The following GUCY2C variants were observed in gnomAD, a reference collection of about 807,000 sequenced individuals.
The protein encoded by GUCY2C is guanylate cyclase 2C.
A neutral mutation model predicts 131.1 loss-of-function variants in GUCY2C; 118 were observed. The ratio of observed to expected loss-of-function variants is 0.90; its 90% confidence interval spans 0.78 to 1.05. The LOEUF is 1.05. Among genes scored for constraint, GUCY2C ranks in the 50% least tolerant of loss-of-function variants. GUCY2C has a pLI of 0.00. For synonymous variants in GUCY2C, 452 were observed against 457.8 expected (o/e 0.99, Z 0.16); for missense variants, 1,161 against 1,304.4 (o/e 0.89, Z 1.69).
intron 19 of GUCY2C, among the ~76,000 whole-genome samples, chr12:14,630,360 C>T (rs1947116866): frequency 6.6e-6 from 1 of 152,058 alleles, no homozygotes; most frequent in Non-Finnish European, 1.5e-5. Flanking sequence ...CAAACTGGGC[C>T]GATCCTGTGC....
intron 3 of GUCY2C, among the ~76,000 whole-genome samples, chr12:14,685,615 A>G (rs925521603): frequency 2.0e-5 from 3 of 152,236 alleles, no homozygotes; most frequent in Non-Finnish European, 2.9e-5. Context: ...TCCCAGAGCC[A>G]GAAAAATATA....
chr12:14,688,480 G>A (rs1489162229), intron 1 of GUCY2C, among the ~76,000 whole-genome samples: 2 of 152,110 alleles, frequency 1.3e-5, no homozygotes, highest in Non-Finnish European at 2.9e-5. Flanking sequence ...GGAGAGTGTT[G>A]GGAAGCAAAG....
rs11056064 is a variant in GUCY2C, at chr12:14,617,819, A to G, written c.2876-1092T>C. On this transcript the variant is annotated intron_variant, in intron 24 of 26. Transcript: ENST00000261170. ...ACCCTCTTGGCACGGTTGGTATTCC[A>G]TTTTCAATTTGTATCTTTATCTTTC... Among the ~76,000 whole-genome samples the G allele has an allele frequency of 4.5e-3, 690 of 152,292 alleles. 7 individuals are homozygous for G. The highest frequency in any genetic ancestry group is 0.016 in the African/African-American group (646 of 41,566).
chr12:14,632,854 G>T (rs903549997), intron 19 of GUCY2C, among the ~76,000 whole-genome samples: 3 of 152,076 alleles, frequency 2.0e-5, no homozygotes, highest in Non-Finnish European at 4.4e-5. Context: ...TACATCTTCT[G>T]GGGGCCACAT....
In GUCY2C at chr12:14,636,933, TA is replaced by T. The variant is rs913717688; in HGVS notation, c.2157+2928del. ...GTGAAACCCCGTCTCTACTAAAATA[TA>T]AAAAAAAAATTAGCTGGGCTTGGTG... is the stretch of plus-strand genomic sequence containing the variant. On this transcript the variant is annotated intron_variant, in intron 19 of 26. Coordinates refer to ENST00000261170, the MANE Select transcript of GUCY2C (RefSeq NM_004963.4). Among the ~76,000 whole-genome samples, 72 of 148,126 alleles carry T rather than the reference TA, an allele frequency of 4.9e-4. No individual in the cohort carries two copies. The East Asian group carries it at 6.5e-3, about 13-fold the overall frequency.
chr12:14,643,244 G>A (rs1947445561), intron 17 of GUCY2C, among the ~76,000 whole-genome samples: 1 of 152,150 alleles, frequency 6.6e-6, no homozygotes, highest in Admixed American at 6.5e-5. Context: ...AAAGGAAAAA[G>A]CTTAAATTAG....
intron 3 of GUCY2C, among the ~76,000 whole-genome samples, chr12:14,684,227 C>G (rs1029823340): frequency 1.3e-5 from 2 of 152,148 alleles, no homozygotes; most frequent in East Asian, 3.9e-4. Flanking sequence ...TATGGTCCTA[C>G]TTAATTTTCC....
chr12:14,622,175 C>A lies in GUCY2C; in HGVS notation c.2431G>T (p.Glu811Ter), dbSNP rs758523228. 7 of 1,563,606 alleles carry A rather than the reference C, an allele frequency of 4.5e-6. No homozygotes were observed. The highest frequency in any genetic ancestry group is 6.0e-6 in the Non-Finnish European group (7 of 1,159,730). Reference sequence around the variant, plus strand: ...AGTTCCGGCTCCACAAAGCCTTTCTCCTTCAGAGACTTTACCACTAGCCTA... The same window carrying A: ...AGTTCCGGCTCCACAAAGCCTTTCTACTTCAGAGACTTTACCACTAGCCTA... ...LPRLVVKSLK[E>*]KGFVEPELYE... The change falls in exon 22 of 27, where the codon GAG becomes TAG. Residue 811 changes from glutamate to a stop codon, truncating the protein, a stop_gained. Coordinates refer to ENST00000261170, the MANE Select transcript of GUCY2C (RefSeq NM_004963.4). LOFTEE classifies it high-confidence loss of function.
In GUCY2C at chr12:14,645,229, C is replaced by G. The variant is rs1592106105; in HGVS notation, c.1797G>C (p.Lys599Asn). ...FKISVLYDIA[K>N]GMSYLHSSKT... is the part of the protein sequence containing the mutation. ...TTTTCTGTGTGTGTGTTTCTCTTAC[C>G]TTAGCAATGTCATACAAGACAGAGA... Residue 599 changes from lysine to asparagine, a missense_variant and splice_region_variant, in exon 16 of 27, where the codon AAG (lysine) becomes AAC (asparagine). By Grantham distance (94) the Lys-to-Asn change is moderately conservative. Coordinates refer to ENST00000261170, the MANE Select transcript of GUCY2C (RefSeq NM_004963.4). 6.7e-7 allele frequency: 1 copy of G among 1,483,448 alleles called. No homozygotes were observed. Among genetic ancestry groups the G allele is most frequent in the Non-Finnish European group, 9.4e-7 (1 of 1,065,140 alleles). 91.9% of individuals were successfully genotyped at this position (1,483,448 alleles called of 1,614,324 possible). A position where few individuals can be genotyped will look rare whatever the true frequency, so the allele number is the denominator to read the frequency against.
At chr12:14,682,819 A>G (rs1948375355) in intron 4 of GUCY2C, among the ~76,000 whole-genome samples, 2 of 152,230 alleles carry the variant, frequency 1.3e-5, no homozygotes, top group South Asian at 2.1e-4. Context: ...CGTACTTTCA[A>G]AACAGTAAAG....
intron 21 of GUCY2C, among the ~76,000 whole-genome samples, chr12:14,624,115 C>T (rs1946954391): frequency 6.6e-6 from 1 of 152,110 alleles, no homozygotes; most frequent in African/African-American, 2.4e-5. Context: ...AATTAGTATA[C>T]AGAGTAGATC....
intron 15 of GUCY2C, among the ~76,000 whole-genome samples, chr12:14,647,557 C>T (rs1037345848): frequency 1.3e-5 from 2 of 152,106 alleles, no homozygotes; most frequent in African/African-American, 4.8e-5. Context: ...AAAAGTTTAA[C>T]ACTGACTGGC....
intron 6 of GUCY2C, 96 bp downstream of exon 6, chr12:14,679,561 T>C (rs2137087031): frequency 2.8e-6 from 2 of 709,390 alleles, no homozygotes; most frequent in Admixed American, 2.1e-5. Context: ...CCATAAGGGG[T>C]TGTACAAAGC....
chr12:14,614,593 C>T (rs376772842), intron 26 of GUCY2C: 76 of 384,746 alleles, frequency 2.0e-4, no homozygotes, highest in Non-Finnish European at 3.3e-4. Flanking sequence ...TGAGCCCCCA[C>T]ATCTGATTCA....
chr12:14,668,261 C>T (rs1233206548), intron 10 of GUCY2C, among the ~76,000 whole-genome samples: 1 of 152,044 alleles, frequency 6.6e-6, no homozygotes, highest in African/African-American at 2.4e-5. Flanking sequence ...ACCTCTGCCT[C>T]CTGGGTTCAA....
chr12:14,668,945 G>A (rs896924405), intron 10 of GUCY2C, among the ~76,000 whole-genome samples: 1 of 152,138 alleles, frequency 6.6e-6, no homozygotes, highest in Non-Finnish European at 1.5e-5. Context: ...TCCAGTATGG[G>A]AACAGGGGAG....
intron 22 of GUCY2C, among the ~76,000 whole-genome samples, chr12:14,621,792 T>A (rs983701213): frequency 1.3e-5 from 2 of 152,232 alleles, no homozygotes; most frequent in Admixed American, 6.5e-5. Context: ...TCCTGTTGTA[T>A]CTTTTTTGCT....
chr12:14,649,518 C>T (rs1010848946), intron 15 of GUCY2C, among the ~76,000 whole-genome samples: 6 of 151,932 alleles, frequency 3.9e-5, no homozygotes, highest in South Asian at 2.1e-4. Flanking sequence ...GATGAAGAAA[C>T]GTACTAAAAT....
chr12:14,667,375 C>T (rs1275619449), intron 10 of GUCY2C, among the ~76,000 whole-genome samples: 2 of 152,148 alleles, frequency 1.3e-5, no homozygotes, highest in East Asian at 1.9e-4. Flanking sequence ...AAATAAAACT[C>T]GACTTTAAAA....
Sources: allele counts gnomAD v4.1 joint callset (sites outside exome capture counted in the v4.1 genomes callset), GRCh38; gene constraint gnomAD v4.1.1; transcripts MANE v1.5; gene names NCBI Gene and HGNC (gene_info 2026-07-23, HGNC 2026-07-21).